The following PDE8A variants were observed in gnomAD, a reference collection of about 807,000 sequenced individuals.
PDE8A encodes the protein high affinity cAMP-specific and IBMX-insensitive 3',5'-cyclic phosphodiesterase 8A.
A neutral mutation model predicts 105.0 loss-of-function variants in PDE8A; 59 were observed. The ratio of observed to expected loss-of-function variants is 0.56; its 90% CI spans 0.46 to 0.70. The LOEUF (loss-of-function observed/expected upper bound fraction) is 0.70, where lower values mean the gene tolerates loss of function less well. Ranked by LOEUF, PDE8A falls within the 30% of genes least tolerant of loss-of-function variation. The pLI, the probability that PDE8A is intolerant of heterozygous loss-of-function variation, is 0.00. For missense variants in PDE8A, 1,014 were observed against 1,045.9 expected, an observed-to-expected ratio of 0.97 and a Z score of 0.42; for synonymous variants, 355 against 371.9, an observed-to-expected ratio of 0.95 and a Z score of 0.52.
At chr15:85,117,499 G>A in intron 16 of PDE8A, 142 bp from the exon 17 acceptor site, 1 of 700,404 alleles carries the variant, frequency 1.4e-6, no homozygotes, top group South Asian at 1.7e-5. Context: ...GGCCCCACCA[G>A]AGAGAGGCCA....
intron 8 of PDE8A, among the ~76,000 whole-genome samples, chr15:85,094,874 C>G (rs990913074): frequency 6.6e-6 from 1 of 152,154 alleles, no homozygotes; most frequent in Non-Finnish European, 1.5e-5. Flanking sequence ...ATTAGTCTTA[C>G]TGAGTCATCA....
intron 3 of PDE8A, among the ~76,000 whole-genome samples, chr15:85,069,026 A>G (rs965418423): frequency 1.3e-5 from 2 of 152,210 alleles, no homozygotes; most frequent in Non-Finnish European, 2.9e-5. Context: ...GTACAAGAGA[A>G]TGTTTTAGAC....
At chr15:85,012,639 G>A (rs1242235573) in intron 1 of PDE8A, among the ~76,000 whole-genome samples, 3 of 151,218 alleles carry the variant, frequency 2.0e-5, no homozygotes, top group African/African-American at 4.9e-5. Flanking sequence ...CATGGCACAT[G>A]TATACATATG....
At chr15:85,133,964 C>T (rs959587590) in intron 20 of PDE8A, among the ~76,000 whole-genome samples, 17 of 152,072 alleles carry the variant, frequency 1.1e-4, no homozygotes, top group African/African-American at 3.1e-4. Context: ...TGGGGCACAG[C>T]GGTGAAATGT....
At chr15:85,130,439 G>A (rs1048719415) in intron 20 of PDE8A, among the ~76,000 whole-genome samples, 7 of 152,122 alleles carry the variant, frequency 4.6e-5, no homozygotes, top group Non-Finnish European at 7.4e-5. Flanking sequence ...AAGGTACTTT[G>A]TATGACCTTA....
chr15:85,065,494 A>AG (rs2081209765), intron 2 of PDE8A, among the ~76,000 whole-genome samples: 1 of 151,898 alleles, frequency 6.6e-6, no homozygotes, highest in African/African-American at 2.4e-5. Context: ...AAAAAAAAAA[A>AG]AAAGAAAACA....
At chr15:85,001,285 A>G (rs866239704) in intron 1 of PDE8A, among the ~76,000 whole-genome samples, 1 of 152,216 alleles carries the variant, frequency 6.6e-6, no homozygotes. Flanking sequence ...AAGGTAGAGC[A>G]CTAAGAAGGA....
chr15:85,089,931 A>T (rs1388136751), intron 7 of PDE8A, among the ~76,000 whole-genome samples: 1 of 152,264 alleles, frequency 6.6e-6, no homozygotes, highest in Admixed American at 6.5e-5. Context: ...GACTTAAGGC[A>T]ACATAGCTTA....
chr15:84,993,662 G>A (rs1337122934), intron 1 of PDE8A, among the ~76,000 whole-genome samples: 3 of 151,922 alleles, frequency 2.0e-5, no homozygotes, highest in South Asian at 2.1e-4. Context: ...GGAGAATCAC[G>A]TGAGGCCAGG....
At chr15:85,030,381 A>G (rs2080594602) in intron 1 of PDE8A, among the ~76,000 whole-genome samples, 1 of 151,920 alleles carries the variant, frequency 6.6e-6, no homozygotes, top group Non-Finnish European at 1.5e-5. Flanking sequence ...CACAGTCACT[A>G]GTTTCCTTTT....
chr15:85,113,251 G>A, intron 12 of PDE8A, 126 bp from the exon 13 acceptor site: 1 of 790,174 alleles, frequency 1.3e-6, no homozygotes, highest in Non-Finnish European at 2.2e-6. Context: ...AGGATGGGAA[G>A]GAAGCTCAGC....
chr15:85,047,648 C>A (rs2080908068), intron 1 of PDE8A, among the ~76,000 whole-genome samples: 1 of 152,146 alleles, frequency 6.6e-6, no homozygotes, highest in Non-Finnish European at 1.5e-5. Flanking sequence ...GCCTTTATTT[C>A]TTAAAATAAA....
chr15:85,016,083 C>A (rs1345975889), intron 1 of PDE8A, among the ~76,000 whole-genome samples: 1 of 152,192 alleles, frequency 6.6e-6, no homozygotes, highest in Non-Finnish European at 1.5e-5. Flanking sequence ...TTGCAGTGAG[C>A]TGAGGTCGCG....
chr15:85,011,370 A>G (rs1293379943), intron 1 of PDE8A, among the ~76,000 whole-genome samples: 8 of 152,136 alleles, frequency 5.3e-5, no homozygotes, highest in Non-Finnish European at 1.0e-4. Flanking sequence ...ACTGGTCCAA[A>G]ACTCAACCCT....
rs141149945 is a variant in PDE8A at position 85,095,349 on chromosome 15, A to T, written c.853-2599A>T. Among the ~76,000 whole-genome samples, 1,215 of 151,790 alleles carry T rather than the reference A, an allele frequency of 8.0e-3. 6 individuals are homozygous for T. Among genetic ancestry groups the T allele is most frequent in the Non-Finnish European group, 0.013 (851 of 67,918 alleles). ...ATTCTCAGGAACTAAATATATATAT[A>T]TTTTTTTTCCTCAAGACAGAGTCTC... is the stretch of plus-strand genomic sequence containing the variant. On this transcript the variant is annotated intron_variant, in intron 8 of 21. Coordinates refer to ENST00000394553, the MANE Select transcript of PDE8A (RefSeq NM_002605.3).
intron 1 of PDE8A, among the ~76,000 whole-genome samples, chr15:85,046,676 G>A (rs2080892991): frequency 6.6e-6 from 1 of 152,166 alleles, no homozygotes; most frequent in African/African-American, 2.4e-5. Context: ...AATGGTGATT[G>A]GGAGCTAAGA....
chr15:85,051,541 T>G (rs2080972943), intron 1 of PDE8A, among the ~76,000 whole-genome samples: 1 of 152,124 alleles, frequency 6.6e-6, no homozygotes, highest in South Asian at 2.1e-4. Flanking sequence ...ATGTGTGCCA[T>G]GGTGTTTTGC....
intron 12 of PDE8A, among the ~76,000 whole-genome samples, chr15:85,109,798 T>C (rs2081995911): frequency 6.6e-6 from 1 of 152,184 alleles, no homozygotes; most frequent in African/African-American, 2.4e-5. Context: ...TACCCTCTCA[T>C]CCCTCACAGA....
intron 1 of PDE8A, among the ~76,000 whole-genome samples, chr15:84,997,912 A>C (rs775136384): frequency 2.1e-4 from 32 of 152,172 alleles, no homozygotes; most frequent in Non-Finnish European, 1.2e-4. Flanking sequence ...ATCTTCTTAC[A>C]ACAGGTTTAA....
Sources: allele counts gnomAD v4.1 joint callset (sites outside exome capture counted in the v4.1 genomes callset), GRCh38; gene constraint gnomAD v4.1.1; transcripts MANE v1.5; gene names NCBI Gene and HGNC (gene_info 2026-07-23, HGNC 2026-07-21).